Variants in NBAS observed in about 807,000 individuals in gnomAD.
NBAS encodes NAG/BC035112 fusion.
In NBAS, 219 loss-of-function variants were observed where a neutral mutation model predicts 302.5. That is an observed-to-expected ratio of 0.72 (90% confidence interval 0.65 to 0.81). The LOEUF (loss-of-function observed/expected upper bound fraction) is 0.81. Among genes scored for constraint, NBAS ranks in the 30% least tolerant of loss-of-function variants. The probability of loss-of-function intolerance (pLI) is 0.00; values close to 1 mark genes in which losing one functional copy is unlikely to be tolerated. For missense variants in NBAS, 2,932 were observed against 2,841.6 expected (o/e 1.03, Z -0.72); for synonymous variants, 1,118 against 1,021.6 (o/e 1.09, Z -1.80).
the NBAS span, among the ~76,000 whole-genome samples, chr2:15,055,540 G>T: frequency 2.0e-5 from 3 of 152,144 alleles, no homozygotes; most frequent in African/African-American, 7.2e-5. Context: ...GTCCATATGA[G>T]GGGTATAGGA....
chr2:14,843,850 C>T, the NBAS span, among the ~76,000 whole-genome samples: 15 of 152,272 alleles, frequency 9.9e-5, no homozygotes, highest in Admixed American at 3.9e-4. Context: ...TCAGGTGATG[C>T]CCGCCAACAA....
chr2:15,194,597 G>A (rs1665527709), intron 48 of NBAS, among the ~76,000 whole-genome samples: 3 of 152,118 alleles, frequency 2.0e-5, no homozygotes, highest in African/African-American at 7.2e-5. Context: ...AAGGAACTAT[G>A]AAGTATCAGA....
the NBAS span, among the ~76,000 whole-genome samples, chr2:14,995,200 T>G: frequency 6.6e-6 from 1 of 152,134 alleles, no homozygotes; most frequent in African/African-American, 2.4e-5. Flanking sequence ...CCTAATACTA[T>G]CCCTCCCCCC....
the NBAS span, among the ~76,000 whole-genome samples, chr2:14,935,476 AT>A: frequency 1.3e-5 from 2 of 152,100 alleles, no homozygotes; most frequent in East Asian, 1.9e-4. Flanking sequence ...CATCTTGGTC[AT>A]TTTTTTATGC....
At chr2:15,167,891 G>A (rs1287760696) in intron 51 of NBAS, among the ~76,000 whole-genome samples, 6 of 152,212 alleles carry the variant, frequency 3.9e-5, no homozygotes, top group Non-Finnish European at 8.8e-5. Flanking sequence ...GTACTCCATT[G>A]AGAGAAGAGT....
At chr2:15,394,919 C>T (rs947050519) in intron 27 of NBAS, among the ~76,000 whole-genome samples, 6 of 152,034 alleles carry the variant, frequency 3.9e-5, no homozygotes, top group Non-Finnish European at 7.4e-5. Flanking sequence ...ATCTGACTCA[C>T]AAAATCTCAC....
chr2:15,424,806 G>A (rs6733847), intron 22 of NBAS, among the ~76,000 whole-genome samples: 95,201 of 151,984 alleles, frequency 0.63, 30,557 homozygotes, highest in Non-Finnish European at 0.68. Context: ...GGTGCTTACC[G>A]CAGGCCCACT....
chr2:14,841,602 G>A, the NBAS span, among the ~76,000 whole-genome samples: 2 of 151,584 alleles, frequency 1.3e-5, no homozygotes, highest in South Asian at 2.1e-4. Flanking sequence ...ATTATATGAT[G>A]ATAAAGGGGT....
chr2:15,350,168 A>G (rs1228446254), intron 35 of NBAS, among the ~76,000 whole-genome samples: 2 of 152,190 alleles, frequency 1.3e-5, no homozygotes, highest in Non-Finnish European at 2.9e-5. Flanking sequence ...AAAGCTAAGT[A>G]TCTTTGCCCT....
the NBAS span, among the ~76,000 whole-genome samples, chr2:14,919,312 T>C: frequency 6.6e-6 from 1 of 152,346 alleles, no homozygotes; most frequent in African/African-American, 2.4e-5. Context: ...AAAATGTCCA[T>C]ACCTTAATTT....
the NBAS span, among the ~76,000 whole-genome samples, chr2:15,084,541 C>T: frequency 7.9e-5 from 12 of 152,336 alleles, no homozygotes; most frequent in Admixed American, 3.3e-4. Flanking sequence ...GAATTATCCA[C>T]TGGGAGTCCC....
At chr2:14,923,500 C>A in the NBAS span, among the ~76,000 whole-genome samples, 1 of 152,266 alleles carries the variant, frequency 6.6e-6, no homozygotes, top group African/African-American at 2.4e-5. Flanking sequence ...GCCAGGCCAG[C>A]CCCCAGCAGT....
At chr2:15,283,313 G>C (rs1382270648) in intron 42 of NBAS, among the ~76,000 whole-genome samples, 1 of 152,134 alleles carries the variant, frequency 6.6e-6, no homozygotes, top group African/African-American at 2.4e-5. Context: ...GATATAGTTT[G>C]ATTGCATGCC....
the NBAS span, among the ~76,000 whole-genome samples, chr2:14,865,773 AT>A: frequency 6.6e-6 from 1 of 151,508 alleles, no homozygotes; most frequent in African/African-American, 2.4e-5. Flanking sequence ...ATGAGATTGC[AT>A]TTTATCCTCA....
At chr2:14,849,865 C>T in the NBAS span, among the ~76,000 whole-genome samples, 3 of 137,164 alleles carry the variant, frequency 2.2e-5, no homozygotes, top group East Asian at 1.9e-4. Context: ...AAATACTTTA[C>T]AGACAAGCAA....
chr2:15,519,440 T>A (rs181097890), intron 9 of NBAS, among the ~76,000 whole-genome samples: 1 of 149,068 alleles, frequency 6.7e-6, no homozygotes, highest in Non-Finnish European at 1.5e-5. Flanking sequence ...TTTCTTTATT[T>A]TTTTTTTAAT....
intron 12 of NBAS, among the ~76,000 whole-genome samples, chr2:15,482,496 G>A (rs1680469513): frequency 1.3e-5 from 2 of 152,088 alleles, no homozygotes; most frequent in African/African-American, 4.8e-5. Flanking sequence ...TCGTTAACCT[G>A]TCTTTTGTTA....
chr2:15,136,881 A>G, the NBAS span, among the ~76,000 whole-genome samples: 1 of 152,144 alleles, frequency 6.6e-6, no homozygotes, highest in Non-Finnish European at 1.5e-5. Flanking sequence ...GCTGCCATGT[A>G]AGACGTGCCT....
At chr2:15,220,786 T>C (rs1184652521) in intron 47 of NBAS, among the ~76,000 whole-genome samples, 1 of 152,056 alleles carries the variant, frequency 6.6e-6, no homozygotes, top group Non-Finnish European at 1.5e-5. Context: ...CTTTTAGCTA[T>C]AAATCACCTA....
Sources: gnomAD v4.1 joint callset for allele counts (sites outside exome capture counted in the v4.1 genomes callset) on GRCh38, gnomAD v4.1.1 for gene constraint, MANE v1.5 for transcripts, NCBI Gene and HGNC (gene_info 2026-07-23, HGNC 2026-07-21) for gene names.